ANOS1: variants seen among roughly 807,000 people sequenced by gnomAD.
ANOS1 encodes the protein anosmin 1.
Under a neutral mutation model 59.0 loss-of-function variants are expected in ANOS1, and 6 were observed. That is an observed-to-expected ratio of 0.10 (90% confidence interval 0.06 to 0.20). The LOEUF is 0.20. Among genes scored for constraint, ANOS1 ranks in the 10% least tolerant of loss-of-function variants. The pLI is 1.00. For missense variants in ANOS1, 433 were observed against 542.3 expected (o/e 0.80, Z 2.00); for synonymous variants, 217 against 223.4 (o/e 0.97, Z 0.25).
At chrX:8,729,133 G>A (rs1932946197) in intron 1 of ANOS1, among the ~76,000 whole-genome samples, 2 of 111,720 alleles carry the variant, frequency 1.8e-5, no homozygotes, top group African/African-American at 6.5e-5. Flanking sequence ...GGCAAGGCCT[G>A]ACAGCTTTCA....
At chrX:8,663,709 C>G (rs1932079945) in intron 2 of ANOS1, among the ~76,000 whole-genome samples, 1 of 111,716 alleles carries the variant, frequency 9.0e-6, no homozygotes, top group Admixed American at 9.5e-5. Flanking sequence ...GTAACTATGC[C>G]TGCCCAAGGA....
At chrX:8,659,041 T>C (rs1019537636) in intron 2 of ANOS1, among the ~76,000 whole-genome samples, 4 of 111,334 alleles carry the variant, frequency 3.6e-5, no homozygotes, top group South Asian at 3.8e-4. Context: ...CTGGCCAACA[T>C]AGTGAAACAC....
chrX:8,571,330 A>G (rs1930230018), intron 6 of ANOS1, among the ~76,000 whole-genome samples: 1 of 111,390 alleles, frequency 9.0e-6, no homozygotes, highest in African/African-American at 3.3e-5. Context: ...TTAGTAAAAT[A>G]TAGTACAATT....
chrX:8,570,128 A>ATC (rs1269607214), intron 7 of ANOS1, among the ~76,000 whole-genome samples: 2 of 100,582 alleles, frequency 2.0e-5, no homozygotes, highest in African/African-American at 7.6e-5. Context: ...ATTTACAAGG[A>ATC]TCTCTCTCTC....
intron 4 of ANOS1, among the ~76,000 whole-genome samples, chrX:8,594,658 G>GTA (rs767812487): frequency 0.061 from 2,013 of 33,214 alleles, 77 homozygotes; most frequent in Non-Finnish European, 0.079. Context: ...ATATATATGT[G>GTA]TATATATATA....
At chrX:8,660,951 A>G (rs987278439) in intron 2 of ANOS1, among the ~76,000 whole-genome samples, 1 of 111,760 alleles carries the variant, frequency 8.9e-6, no homozygotes, top group Non-Finnish European at 1.9e-5. Flanking sequence ...AGAAATTATG[A>G]GGATCTAGGT....
At chrX:8,590,952 G>C (rs145136488) in intron 4 of ANOS1, among the ~76,000 whole-genome samples, 1 of 111,616 alleles carries the variant, frequency 9.0e-6, no homozygotes, top group Non-Finnish European at 1.9e-5. Context: ...CATTCACTCT[G>C]TTTTTTAAAA....
chrX:8,556,732 C>T (rs777097268), intron 8 of ANOS1, among the ~76,000 whole-genome samples: 4 of 111,802 alleles, frequency 3.6e-5, no homozygotes, highest in Admixed American at 9.5e-5. Context: ...GAATCAATAT[C>T]GTGAAAATGG....
At chrX:8,672,437 G>A (rs1431291286) in intron 2 of ANOS1, among the ~76,000 whole-genome samples, 2 of 112,458 alleles carry the variant, frequency 1.8e-5, no homozygotes, top group African/African-American at 6.5e-5. Flanking sequence ...CCCCTGAATT[G>A]GCTTGAAGCA....
At chrX:8,622,602 T>G (rs1931312286) in intron 3 of ANOS1, among the ~76,000 whole-genome samples, 1 of 111,848 alleles carries the variant, frequency 8.9e-6, no homozygotes, top group African/African-American at 3.3e-5. Flanking sequence ...GACCCTCAAC[T>G]GAGCTCTCCT....
intron 2 of ANOS1, among the ~76,000 whole-genome samples, chrX:8,627,042 A>T (rs1179423270): frequency 9.0e-6 from 1 of 111,683 alleles, no homozygotes; most frequent in African/African-American, 3.3e-5. Flanking sequence ...GTATGCTAAG[A>T]CCTAATTCTT....
chrX:8,542,298 C>T (rs1265082274), intron 9 of ANOS1, among the ~76,000 whole-genome samples: 1 of 111,758 alleles, frequency 8.9e-6, no homozygotes, highest in East Asian at 2.8e-4. Flanking sequence ...TTCTGCACCT[C>T]AACTGCTCCT....
intron 2 of ANOS1, among the ~76,000 whole-genome samples, chrX:8,645,252 G>A (rs1020407313): frequency 6.2e-5 from 7 of 112,499 alleles, no homozygotes; most frequent in African/African-American, 2.3e-4. Flanking sequence ...CAACATCGAC[G>A]AAGGGAGTCC....
At chrX:8,644,433 C>A (rs181400788) in intron 2 of ANOS1, among the ~76,000 whole-genome samples, 1 of 110,105 alleles carries the variant, frequency 9.1e-6, no homozygotes, top group East Asian at 2.9e-4. Flanking sequence ...AGATACCCAA[C>A]TCCAACCTGA....
intron 1 of ANOS1, among the ~76,000 whole-genome samples, chrX:8,721,646 T>A (rs2146911721): frequency 9.0e-6 from 1 of 111,716 alleles, no homozygotes; most frequent in East Asian, 2.8e-4. Context: ...TTCTTAGAGG[T>A]GTGGCCAAGG....
chrX:8,653,061 G>A (rs1223158176), intron 2 of ANOS1, among the ~76,000 whole-genome samples: 1 of 109,670 alleles, frequency 9.1e-6, no homozygotes, highest in Non-Finnish European at 1.9e-5. Context: ...TCACCACGTT[G>A]GACAGGCTGG....
At chrX:8,724,496 T>C (rs1932897130) in intron 1 of ANOS1, among the ~76,000 whole-genome samples, 1 of 112,458 alleles carries the variant, frequency 8.9e-6, no homozygotes, top group Non-Finnish European at 1.9e-5. Context: ...ACAGAGCTGA[T>C]TCCAGCAGGG....
At chrX:8,681,456 G>A (rs1189846536) in intron 2 of ANOS1, among the ~76,000 whole-genome samples, 1 of 111,974 alleles carries the variant, frequency 8.9e-6, no homozygotes, top group African/African-American at 3.2e-5. Context: ...CATCTCGTTT[G>A]AGAGATTGCC....
intron 3 of ANOS1, among the ~76,000 whole-genome samples, chrX:8,617,025 A>G (rs955057430): frequency 8.9e-5 from 10 of 112,694 alleles, no homozygotes; most frequent in African/African-American, 3.2e-4. Flanking sequence ...AAAGAATAGC[A>G]ACAAAGTTAA....
Sources: gnomAD v4.1 joint callset for allele counts (sites outside exome capture counted in the v4.1 genomes callset) on GRCh38, gnomAD v4.1.1 for gene constraint, MANE v1.5 for transcripts, NCBI Gene and HGNC (gene_info 2026-07-23, HGNC 2026-07-21) for gene names.